The following VPS13C variants were observed in gnomAD, a reference collection of about 807,000 sequenced individuals.
VPS13C encodes vacuolar protein sorting 13 homolog C.
VPS13C carries 358 observed loss-of-function variants against 456.8 expected under a neutral mutation model. The ratio of observed to expected loss-of-function variants is 0.78; its 90% confidence interval spans 0.72 to 0.86. The LOEUF (loss-of-function observed/expected upper bound fraction) is 0.86, where lower values mean the gene tolerates loss of function less well. Among genes scored for constraint, VPS13C ranks in the 40% least tolerant of loss-of-function variants. The pLI is 0.00. For synonymous variants in VPS13C, 1,578 were observed against 1,486.7 expected, an observed-to-expected ratio of 1.06 and a Z score of -1.41; for missense variants, 4,818 against 4,385.4, an observed-to-expected ratio of 1.10 and a Z score of -2.79.
In VPS13C at chr15:61,873,232, A is replaced by C; in HGVS notation, c.10578+14T>G. The C allele has an allele frequency of 6.2e-7, 1 of 1,612,056 alleles. No homozygotes were observed. Among genetic ancestry groups the C allele is most frequent in the Non-Finnish European group, 8.5e-7 (1 of 1,179,132 alleles). ...TAAGTTGCAGATTTCTTAAAGATTC[A>C]GCAAAGAACTTACTCGCAGAAAGCC... is the stretch of plus-strand genomic sequence containing the variant. On this transcript the variant is annotated intron_variant, in intron 78 of 84. Coordinates refer to ENST00000644861, the MANE Select transcript of VPS13C (RefSeq NM_020821.3).
At chr15:61,977,390 T>A (rs76424283) in intron 23 of VPS13C, among the ~76,000 whole-genome samples, 191 bp from the exon 24 acceptor site, 1,812 of 152,126 alleles carry the variant, frequency 0.012, 38 homozygotes, top group African/African-American at 0.042. Context: ...CCTATGCTTT[T>A]TAAATACAGA....
intron 36 of VPS13C, among the ~76,000 whole-genome samples, chr15:61,958,949 A>G (rs1364051847): frequency 6.6e-6 from 1 of 152,028 alleles, no homozygotes; most frequent in African/African-American, 2.4e-5. Flanking sequence ...ATCAGTCAGT[A>G]TTGGCTCCAA....
chr15:62,009,065 G>C (rs538447753), intron 13 of VPS13C, among the ~76,000 whole-genome samples: 6 of 152,068 alleles, frequency 3.9e-5, no homozygotes, highest in Non-Finnish European at 8.8e-5. Flanking sequence ...ATTTTCAAAT[G>C]TTAAAATGCA....
rs528497239 is a variant in VPS13C, at chr15:62,048,375, T to C, written c.101-4120A>G. The stretch of plus-strand genomic sequence containing the variant: ...GGTGTTTGGTTTTTTGTCCTTGCGA[T>C]AGTTTACTGAGAATGATGGTTTCCA... On this transcript the variant is annotated intron_variant, in intron 1 of 84. Coordinates refer to ENST00000644861, the MANE Select transcript of VPS13C (RefSeq NM_020821.3). Among the ~76,000 whole-genome samples the C allele has an allele frequency of 2.5e-3, 382 of 150,906 alleles. 1 individual carries two copies. The highest frequency in any genetic ancestry group is 4.3e-3 in the Non-Finnish European group (294 of 67,680).
rs111936437 is a variant in VPS13C at position 61,915,825 on chromosome 15, G to T, written c.8253C>A (p.Val2751=). Residue 2751 remains valine, a synonymous_variant, in exon 61 of 85, where the codon GTC becomes GTA. Coordinates refer to ENST00000644861, the MANE Select transcript of VPS13C (RefSeq NM_020821.3). The part of the protein sequence containing the change: ...FSSDSTEVTT[V]DLSVHVRRIG... ...TTCTCCTGACGTGGACTGACAGGTC[G>T]ACTGTCGTCACTTCTGTGGAGTCAG... 3 of 1,613,892 alleles carry T rather than the reference G, an allele frequency of 1.9e-6. No homozygotes were observed. In the South Asian group the frequency reaches 3.3e-5, roughly 18 times the overall value.
intron 81 of VPS13C, chr15:61,864,920 C>T: frequency 4.1e-6 from 4 of 976,598 alleles, no homozygotes; most frequent in Non-Finnish European, 4.9e-6. Context: ...AATGCAAGTA[C>T]AAGAAATACT....
chr15:61,998,416 T>C (rs2046466411), intron 16 of VPS13C, among the ~76,000 whole-genome samples: 2 of 152,214 alleles, frequency 1.3e-5, no homozygotes, highest in Non-Finnish European at 2.9e-5. Flanking sequence ...TTATGTAGGC[T>C]AATGCAAATG....
In VPS13C at chr15:61,881,652, CAT is replaced by C. The variant is rs751230372; in HGVS notation, c.9707-22_9707-21del. ...TGGGCTCTAAGAGGAAGAAGTAACA[CAT>C]AAAAAAAAATAATGCTTTATACTAG... On this transcript the variant is annotated intron_variant, in intron 70 of 84. Transcript: ENST00000644861. The C allele has an allele frequency of 6.2e-7, 1 of 1,607,278 alleles. No individual in the cohort carries two copies. Among genetic ancestry groups the C allele is most frequent in the Non-Finnish European group, 8.5e-7 (1 of 1,177,550 alleles).
Position 61,973,523 on chromosome 15 carries a change from T to C in VPS13C, c.2548A>G (p.Ile850Val), listed in dbSNP as rs1010717057. The C allele has an allele frequency of 5.0e-6, 8 of 1,612,138 alleles. No homozygotes were observed. The African/African-American group carries it at 6.7e-5, about 13-fold the overall frequency. Residue 850 changes from isoleucine to valine, a missense_variant, in exon 26 of 85, where the codon ATT becomes GTT. By Grantham distance (29) the Ile-to-Val change is conservative (BLOSUM62 3). This residue lies in a region of VPS13C where 4,552 missense variants were observed against 4,130.6 expected (regional missense o/e 1.10). Transcript: ENST00000644861. Reference sequence around the variant, plus strand: ...TTTGTACCACCTGAAATAATAGGAATTGAGGATACCTAGCAAAGAATACAA... The same window carrying C: ...TTTGTACCACCTGAAATAATAGGAACTGAGGATACCTAGCAAAGAATACAA... ...AQSPERQVSS[I>V]PIISGGTKGL...
chr15:62,049,271 A>G (rs925329346), intron 1 of VPS13C, among the ~76,000 whole-genome samples: 57 of 152,206 alleles, frequency 3.7e-4, no homozygotes, highest in Non-Finnish European at 6.6e-4. Context: ...ATCTTGAATT[A>G]ATTTTTGTAT....
chr15:61,884,896 A>G (rs1896157271), intron 67 of VPS13C, among the ~76,000 whole-genome samples: 1 of 152,124 alleles, frequency 6.6e-6, no homozygotes, highest in African/African-American at 2.4e-5. Flanking sequence ...AGGCATTCAT[A>G]AAATTCTATT....
intron 11 of VPS13C, 23 bp from the exon 12 acceptor site, chr15:62,012,187 A>T (rs1437503749): frequency 1.4e-6 from 2 of 1,418,780 alleles, no homozygotes; most frequent in Non-Finnish European, 2.0e-6. Context: ...TTTGAATGAG[A>T]ATGAAAAAGA....
chr15:61,896,291 C>A (rs1444540386), intron 66 of VPS13C, among the ~76,000 whole-genome samples: 4 of 152,194 alleles, frequency 2.6e-5, no homozygotes, highest in Admixed American at 6.5e-5. Flanking sequence ...CAGCTCACAG[C>A]GTGAGCGACA....
Position 61,869,487 on chromosome 15 carries a change from T to A in VPS13C, c.10748+13A>T. On this transcript the variant is annotated intron_variant, in intron 80 of 84. Transcript: ENST00000644861. Reference sequence around the variant, plus strand: ...ACAGACACATACCTTGCACATAGTATGTACTCAATTACCTCTGAATGCCTT... The same window carrying A: ...ACAGACACATACCTTGCACATAGTAAGTACTCAATTACCTCTGAATGCCTT... 1 of 1,614,010 alleles carries A rather than the reference T, an allele frequency of 6.2e-7. No homozygotes were observed. The highest frequency in any genetic ancestry group is 1.3e-5 in the African/African-American group (1 of 75,050).
intron 52 of VPS13C, 26 bp from the exon 53 acceptor site, chr15:61,925,574 A>G (rs1214484465): frequency 3.3e-6 from 5 of 1,496,672 alleles, no homozygotes; most frequent in Non-Finnish European, 4.5e-6. Context: ...TGAAATTCAC[A>G]TTTCCATAGA....
At chr15:61,904,197 G>A (rs528137885) in intron 66 of VPS13C, among the ~76,000 whole-genome samples, 9 of 151,542 alleles carry the variant, frequency 5.9e-5, no homozygotes, top group Non-Finnish European at 1.3e-4. Context: ...ACAACAAACC[G>A]AAAGAGAGAA....
chr15:61,917,292 A>G (rs1314559809), intron 60 of VPS13C, 49 bp downstream of exon 60: 1 of 1,568,872 alleles, frequency 6.4e-7, no homozygotes, highest in Non-Finnish European at 8.7e-7. Context: ...ACAAAATCAG[A>G]ATTTACTCTG....
chr15:61,913,463 A>C, intron 61 of VPS13C, 48 bp from the exon 62 acceptor site: 1 of 1,500,822 alleles, frequency 6.7e-7, no homozygotes, highest in Non-Finnish European at 9.2e-7. Context: ...AAAACACTAT[A>C]ATAATTTTAT....
chr15:61,917,790 G>A (rs2043520963), intron 59 of VPS13C, among the ~76,000 whole-genome samples, 155 bp from the exon 60 acceptor site: 1 of 151,842 alleles, frequency 6.6e-6, no homozygotes, highest in Admixed American at 6.6e-5. Context: ...AAAAAGGTTA[G>A]GAAATTCACC....
Sources: allele counts gnomAD v4.1 joint callset (sites outside exome capture counted in the v4.1 genomes callset), GRCh38; gene constraint gnomAD v4.1.1; regional missense constraint gnomAD v4.1.1; transcripts MANE v1.5; gene names NCBI Gene and HGNC (gene_info 2026-07-23, HGNC 2026-07-21).